The following NRSN1 variants were observed in gnomAD, a reference collection of about 807,000 sequenced individuals.
NRSN1 encodes the protein neurensin 1.
In NRSN1, 14 loss-of-function variants were observed where a neutral mutation model predicts 17.3. That is an observed-to-expected ratio of 0.81 (90% CI 0.54 to 1.27). NRSN1 has a LOEUF of 1.27. Among genes scored for constraint, NRSN1 ranks in the 50% most tolerant of loss-of-function variants. The probability of loss-of-function intolerance (pLI) is 0.00; values close to 1 mark genes in which losing one functional copy is unlikely to be tolerated. For missense variants in NRSN1, 209 were observed against 235.9 expected (o/e 0.89, Z 0.75); for synonymous variants, 79 against 94.2 (o/e 0.84, Z 0.93).
At chr6:24,137,694 C>T (rs1760138644) in intron 3 of NRSN1, among the ~76,000 whole-genome samples, 1 of 152,020 alleles carries the variant, frequency 6.6e-6, no homozygotes, top group Non-Finnish European at 1.5e-5. Flanking sequence ...CCCCCAACCC[C>T]GCAGCAGTCC....
In NRSN1 at chr6:24,134,457, T is replaced by C. The variant is rs1390141157; in HGVS notation, c.130T>C (p.Tyr44His). ...YEDCTASIWEYEDDFQIQRSP... is the reference protein window; with the variant it reads ...YEDCTASIWEHEDDFQIQRSP... Reference sequence around the variant, plus strand: ...GGACTGTACAGCCTCAATTTGGGAGTATGAGGATGATTTCCAGATCCAAAG... The same window carrying C: ...GGACTGTACAGCCTCAATTTGGGAGCATGAGGATGATTTCCAGATCCAAAG... Residue 44 changes from tyrosine to histidine, a missense_variant, in exon 3 of 4, where the codon TAT becomes CAT. Physicochemically the swap from Tyr to His is moderately conservative, Grantham distance 83. Coordinates refer to ENST00000378491, the MANE Select transcript of NRSN1 (RefSeq NM_080723.5). 1 of 1,613,776 alleles carries C rather than the reference T, an allele frequency of 6.2e-7. No homozygotes were observed.
rs765788788 is a variant in NRSN1 at position 24,146,425 on chromosome 6, G to A, written c.*479G>A. The A allele has an allele frequency of 4.0e-5, 15 of 376,288 alleles. No homozygotes were observed. Among genetic ancestry groups the A allele is most frequent in the Middle Eastern group, 3.8e-4 (1 of 2,610 alleles). The allele number at this position is 376,288 out of a possible 1,614,324, so 23.3% of individuals were successfully genotyped here. On this transcript the variant is annotated 3_prime_UTR_variant, in exon 4 of 4. Coordinates refer to ENST00000378491, the MANE Select transcript of NRSN1 (RefSeq NM_080723.5). ...ACATGGAATTCTCTGATTTTGAGCC[G>A]AACATGAGTTTTTAGACTGTATCTT...
intron 1 of NRSN1, among the ~76,000 whole-genome samples, chr6:24,127,246 C>G (rs903603769): frequency 1.3e-5 from 2 of 152,158 alleles, no homozygotes; most frequent in Non-Finnish European, 2.9e-5. Context: ...TCCCCCAAAT[C>G]TGCCCACACA....
At position 24,127,979 on chromosome 6, in the gene NRSN1, T is replaced by C. The variant is rs1186832841; in HGVS notation, c.-82-149T>C. 4 of 152,352 alleles carry C rather than the reference T, an allele frequency of 2.6e-5. No homozygotes were observed. In the South Asian group the frequency reaches 8.3e-4, roughly 32 times the overall value. 9.4% of individuals were successfully genotyped at this position (152,352 alleles called of 1,614,324 possible). Reference sequence around the variant, plus strand: ...TAAAATACAGTTTAGACTTTTGTTTTTTAGAAAGCTATCTCAATTCTTAAA... The same window carrying C: ...TAAAATACAGTTTAGACTTTTGTTTCTTAGAAAGCTATCTCAATTCTTAAA... On this transcript the variant is annotated intron_variant, in intron 1 of 3. Coordinates refer to ENST00000378491, the MANE Select transcript of NRSN1 (RefSeq NM_080723.5).
chr6:24,144,560 G>A (rs1378072993), intron 3 of NRSN1, among the ~76,000 whole-genome samples: 1 of 152,146 alleles, frequency 6.6e-6, no homozygotes, highest in African/African-American at 2.4e-5. Flanking sequence ...ACAATTCTAT[G>A]ATTGGATATC....
chr6:24,141,023 C>T (rs770455286), intron 3 of NRSN1: 18 of 1,474,264 alleles, frequency 1.2e-5, no homozygotes, highest in Admixed American at 1.2e-4. Context: ...TTTGTCACCA[C>T]CTGGAGAGGC....
intron 3 of NRSN1, chr6:24,141,192 A>G: frequency 2.4e-6 from 3 of 1,264,298 alleles, no homozygotes; most frequent in Non-Finnish European, 3.0e-6. Flanking sequence ...TCTGCATTGC[A>G]ATTTTTTGAC....
At chr6:24,136,406 T>C (rs1005127205) in intron 3 of NRSN1, among the ~76,000 whole-genome samples, 2 of 152,212 alleles carry the variant, frequency 1.3e-5, no homozygotes, top group African/African-American at 4.8e-5. Context: ...GCATCAGAAC[T>C]GGTCAAGTCA....
At chr6:24,144,240 A>T (rs1581553727) in intron 3 of NRSN1, among the ~76,000 whole-genome samples, 1 of 152,040 alleles carries the variant, frequency 6.6e-6, no homozygotes, top group Non-Finnish European at 1.5e-5. Flanking sequence ...TCCATGACTT[A>T]CCCTCTCTGA....
chr6:24,137,879 AG>A (rs146031027), intron 3 of NRSN1, among the ~76,000 whole-genome samples: 2,883 of 152,206 alleles, frequency 0.019, 85 homozygotes, highest in African/African-American at 0.065. Flanking sequence ...GTGAGAAAGC[AG>A]GAACGGGGCA....
At chr6:24,143,024 G>A (rs947427963) in intron 3 of NRSN1, among the ~76,000 whole-genome samples, 5 of 152,158 alleles carry the variant, frequency 3.3e-5, no homozygotes, top group African/African-American at 1.2e-4. Flanking sequence ...GCTGATTGGT[G>A]TGTTTTTTAC....
In NRSN1 at chr6:24,141,171, T is replaced by C. The variant is rs765956120; in HGVS notation, c.190-4377T>C. On this transcript the variant is annotated intron_variant, in intron 3 of 3. Transcript: ENST00000378491. The stretch of plus-strand genomic sequence containing the variant: ...CGAGGCTGCTTTGCTTCCTCAGAAC[T>C]TTAAACAACCTCTGCATTGCAATTT... The C allele has an allele frequency of 4.7e-6, 6 of 1,267,912 alleles. No homozygotes were observed. The South Asian group carries it at 1.4e-4, about 30-fold the overall frequency. 78.5% of individuals were successfully genotyped at this position (1,267,912 alleles called of 1,614,324 possible).
chr6:24,145,770 GTGTT>G lies in NRSN1; in HGVS notation c.416_419del (p.Phe139Ter). On this transcript the variant is annotated frameshift_variant, in exon 4 of 4. Coordinates refer to ENST00000378491, the MANE Select transcript of NRSN1 (RefSeq NM_080723.5). LOFTEE classifies it high-confidence loss of function. This position sits in a 1 kb window ranked among gnomAD's most constrained non-coding sequence, Gnocchi z 4.4. ...CATGGCAGGGTGCCTGCTGATGTCG[GTGTT>G]TGTAAAGAGCTACTCCAAAGAAGAA... is the stretch of plus-strand genomic sequence containing the variant. 6 of 1,614,200 alleles carry G rather than the reference GTGTT, an allele frequency of 3.7e-6. No homozygotes were observed. Among genetic ancestry groups the G allele is most frequent in the Non-Finnish European group, 5.1e-6 (6 of 1,180,034 alleles).
chr6:24,133,035 A>C lies in NRSN1; in HGVS notation c.-9-1284A>C, dbSNP rs532829959. On this transcript the variant is annotated intron_variant, in intron 2 of 3. Transcript: ENST00000378491. Reference sequence around the variant, plus strand: ...TTATTCAACAAAATTACTGTCACTCAGTAATTCTTTCTTTTTTTTAACCAT... The same window carrying C: ...TTATTCAACAAAATTACTGTCACTCCGTAATTCTTTCTTTTTTTTAACCAT... Among the ~76,000 whole-genome samples the C allele has an allele frequency of 3.9e-5, 6 of 152,344 alleles. No individual in the cohort carries two copies. In the East Asian group the frequency reaches 1.2e-3, roughly 29 times the overall value.
At chr6:24,144,351 AC>A (rs1244366072) in intron 3 of NRSN1, among the ~76,000 whole-genome samples, 15 of 152,138 alleles carry the variant, frequency 9.9e-5, no homozygotes, top group African/African-American at 3.4e-4. Flanking sequence ...TCCAGCCAAA[AC>A]CACCAGGAAC....
At chr6:24,133,201 T>C (rs2113712677) in intron 2 of NRSN1, among the ~76,000 whole-genome samples, 1 of 152,336 alleles carries the variant, frequency 6.6e-6, no homozygotes, top group Non-Finnish European at 1.5e-5. Flanking sequence ...CTCTGAGTTC[T>C]TACTTACAGT....
At chr6:24,127,158 T>C (rs571955909) in intron 1 of NRSN1, among the ~76,000 whole-genome samples, 5 of 152,090 alleles carry the variant, frequency 3.3e-5, no homozygotes, top group Non-Finnish European at 7.4e-5. Flanking sequence ...GAGGAGAATG[T>C]AGTGAATTTA....
In NRSN1 at chr6:24,145,988, TG is replaced by T. The variant is rs1342575796; in HGVS notation, c.*44del. ...GTTCTTCTTGTCTGATTTATGCCCG[TG>T]GTTAAAAAGAGCAGGCCAGTTTTCG... On this transcript the variant is annotated 3_prime_UTR_variant, in exon 4 of 4. Transcript: ENST00000378491. The surrounding 1 kb of genome is among the most constrained non-coding windows in gnomAD (Gnocchi z 4.4). The T allele has an allele frequency of 1.9e-6, 3 of 1,569,218 alleles. No individual in the cohort carries two copies. Among genetic ancestry groups the T allele is most frequent in the Non-Finnish European group, 2.6e-6 (3 of 1,157,506 alleles).
intron 2 of NRSN1, among the ~76,000 whole-genome samples, chr6:24,134,077 G>A (rs565066035): frequency 4.0e-5 from 6 of 150,576 alleles, no homozygotes; most frequent in African/African-American, 1.5e-4. Context: ...TGTTAGCCAG[G>A]ATGGTCTCCA....
Sources: gnomAD v4.1 joint callset for allele counts (sites outside exome capture counted in the v4.1 genomes callset) on GRCh38, gnomAD v4.1.1 for gene constraint, Gnocchi (gnomAD v3.1) non-coding constraint, MANE v1.5 for transcripts, NCBI Gene and HGNC (gene_info 2026-07-23, HGNC 2026-07-21) for gene names.